Variants in SLA observed in about 807,000 individuals in gnomAD.
SLA encodes the protein Src like adaptor.
In SLA, 16 loss-of-function variants were observed where a neutral mutation model predicts 30.3. That is an observed-to-expected ratio of 0.53 (90% CI 0.36 to 0.80). The LOEUF is 0.80. SLA is among the 30% of genes least tolerant of loss of function. The probability of loss-of-function intolerance (pLI) is 0.01; values close to 1 mark genes in which losing one functional copy is unlikely to be tolerated. For synonymous variants in SLA, 143 were observed against 137.8 expected, an observed-to-expected ratio of 1.04 and a Z score of -0.26; for missense variants, 310 against 345.2, an observed-to-expected ratio of 0.90 and a Z score of 0.81.
intron 1 of SLA, among the ~76,000 whole-genome samples, chr8:133,100,913 C>T (rs1392360328): frequency 6.6e-6 from 1 of 152,110 alleles, no homozygotes; most frequent in African/African-American, 2.4e-5. Flanking sequence ...TACGTTATCT[C>T]AACTGTATGG....
chr8:133,090,715 A>C (rs571915290), intron 1 of SLA, among the ~76,000 whole-genome samples: 1 of 152,202 alleles, frequency 6.6e-6, no homozygotes, highest in Non-Finnish European at 1.5e-5. Flanking sequence ...CAGCTCTGTG[A>C]ACGCTGATCA....
intron 1 of SLA, among the ~76,000 whole-genome samples, chr8:133,092,505 C>T (rs984541513): frequency 4.6e-5 from 7 of 152,274 alleles, no homozygotes; most frequent in East Asian, 3.9e-4. Flanking sequence ...TGTGGGGTCC[C>T]GTGAATGTCA....
chr8:133,094,509 A>C (rs1588078673), intron 1 of SLA: 2 of 183,134 alleles, frequency 1.1e-5, no homozygotes, highest in East Asian at 2.6e-4. Context: ...CAAAGTGAGA[A>C]ACCAGTCATT....
chr8:133,080,252 T>G (rs1380036139), intron 1 of SLA, among the ~76,000 whole-genome samples: 1 of 152,148 alleles, frequency 6.6e-6, no homozygotes, highest in Non-Finnish European at 1.5e-5. Context: ...AGGGAATGAA[T>G]ATTGGGGAAA....
intron 3 of SLA, among the ~76,000 whole-genome samples, chr8:133,057,550 G>A (rs892284622): frequency 6.6e-6 from 1 of 152,158 alleles, no homozygotes; most frequent in Admixed American, 6.5e-5. Context: ...TGCTGTCGCT[G>A]TGAGGAGGGA....
rs1395607417 is a variant in SLA at position 133,058,582 on chromosome 8, AG to A, written c.61+1517del. Reference sequence around the variant, plus strand: ...GTGCCTCCCCAGCCTGCCTGGGCTCAGGGCCCTGCGGTGTCAGTTTTCTAGC... The same window carrying A: ...GTGCCTCCCCAGCCTGCCTGGGCTCAGGCCCTGCGGTGTCAGTTTTCTAGC... On this transcript the variant is annotated intron_variant, in intron 3 of 8. Transcript: ENST00000338087. Among the ~76,000 whole-genome samples the A allele has an allele frequency of 3.9e-5, 6 of 152,276 alleles. No individual in the cohort carries two copies. In the East Asian group the frequency reaches 9.7e-4, roughly 25 times the overall value.
At chr8:133,088,923 C>A (rs1847043437) in intron 1 of SLA, among the ~76,000 whole-genome samples, 1 of 150,378 alleles carries the variant, frequency 6.6e-6, no homozygotes, top group African/African-American at 2.5e-5. Context: ...CAAGAGAATA[C>A]AAATATAAAC....
In SLA at chr8:133,052,872, G is replaced by C. The variant is rs189067608; in HGVS notation, c.62-1957C>G. ...GGCTGACTTTGCCACTCACTGAGTGGGACGCCTCCTTCTCCTCTTGGGCCT... is the reference window on the plus strand; with the variant it reads ...GGCTGACTTTGCCACTCACTGAGTGCGACGCCTCCTTCTCCTCTTGGGCCT... On this transcript the variant is annotated intron_variant, in intron 3 of 8. Transcript: ENST00000338087. Among the ~76,000 whole-genome samples, 513 of 152,314 alleles carry C rather than the reference G, an allele frequency of 3.4e-3. 3 individuals are homozygous for C. The highest frequency in any genetic ancestry group is 0.012 in the African/African-American group (488 of 41,568).
chr8:133,093,831 T>C (rs1382771693), intron 1 of SLA, among the ~76,000 whole-genome samples: 1 of 152,184 alleles, frequency 6.6e-6, no homozygotes, highest in Non-Finnish European at 1.5e-5. Context: ...CCCTGCCTCC[T>C]AACATAACTG....
At chr8:133,094,336 G>A (rs556923251) in intron 1 of SLA, among the ~76,000 whole-genome samples, 2 of 150,336 alleles carry the variant, frequency 1.3e-5, no homozygotes, top group South Asian at 4.3e-4. Flanking sequence ...CGCCTCCCGG[G>A]TTCACGCCAT....
rs1843297808 is a variant in SLA, at chr8:133,067,888, ATGTATG to A, written c.-41+6959_-41+6964del. 1.9e-3 allele frequency among the ~76,000 whole-genome samples: 5 copies of A among 2,694 alleles called. No individual in the cohort carries two copies. In the South Asian group the frequency reaches 0.036, roughly 20 times the overall value. 1.8% of individuals were successfully genotyped at this position (2,694 alleles called of 152,430 possible). ...AAAGAAAGGAAGGAAGGAAGGAAGTATGTATGGAAGGAAGGAAGGAAGGAAGGAAAG... is the reference window on the plus strand; with the variant it reads ...AAAGAAAGGAAGGAAGGAAGGAAGTAGAAGGAAGGAAGGAAGGAAGGAAAG... On this transcript the variant is annotated intron_variant, in intron 2 of 8. Coordinates refer to ENST00000338087, the MANE Select transcript of SLA (RefSeq NM_001045556.3).
intron 2 of SLA, among the ~76,000 whole-genome samples, chr8:133,071,192 G>A (rs2131428922): frequency 6.6e-6 from 1 of 152,330 alleles, no homozygotes; most frequent in South Asian, 2.1e-4. Context: ...TGTGTCCTAG[G>A]TGTGTTACAT....
intron 3 of SLA, chr8:133,059,023 T>G: frequency 2.2e-6 from 1 of 459,150 alleles, no homozygotes. Flanking sequence ...AGAAGGCTCC[T>G]TTGTGAGGGA....
intron 7 of SLA, chr8:133,040,358 G>A: frequency 1.9e-6 from 1 of 531,974 alleles, no homozygotes; most frequent in Non-Finnish European, 3.4e-6. Flanking sequence ...CCAGGCATGG[G>A]CAGAGAGAGA....
At chr8:133,098,714 C>G (rs1848809990) in intron 1 of SLA, among the ~76,000 whole-genome samples, 1 of 152,214 alleles carries the variant, frequency 6.6e-6, no homozygotes, top group Admixed American at 6.5e-5. Context: ...GGTTAGTTCC[C>G]AGACCTCTCC....
chr8:133,053,913 G>A (rs1181751703), intron 3 of SLA, among the ~76,000 whole-genome samples: 1 of 152,136 alleles, frequency 6.6e-6, no homozygotes. Flanking sequence ...TTAAGGGTCA[G>A]ATAACCTGTG....
In SLA at chr8:133,050,844, G is replaced by A. The variant is rs747788971; in HGVS notation, c.133C>T (p.Arg45Ter). The A allele has an allele frequency of 3.7e-6, 6 of 1,612,822 alleles. No homozygotes were observed. Among genetic ancestry groups the A allele is most frequent in the Admixed American group, 1.7e-5 (1 of 60,018 alleles). ...SPDISPPIFRRGEKLRVISDE... is the reference protein window; with the variant it reads ...SPDISPPIFR The stretch of plus-strand genomic sequence containing the variant: ...GAAATCACACGCAGTTTCTCCCCTC[G>A]GCGGAATATCGGGGGGCTGATGTCA... The change falls in exon 4 of 9, where the codon CGA becomes TGA. Residue 45 changes from arginine (R) to a stop codon, truncating the protein, a stop_gained. Coordinates refer to ENST00000338087, the MANE Select transcript of SLA (RefSeq NM_001045556.3). LOFTEE classifies it high-confidence loss of function.
rs765314621 is a variant in SLA at position 133,038,561 on chromosome 8, C to T, written c.794G>A (p.Ser265Asn). Reference sequence around the variant, plus strand: ...GTAAGGTGGTGATGAGAAGAATGAGCTCTTTCTCTTGCTGCCACCATACAT... The same window carrying T: ...GTAAGGTGGTGATGAGAAGAATGAGTTCTTTCTCTTGCTGCCACCATACAT... ...SLMYGGSKRK[S>N]SFFSSPPYFE... Residue 265 changes from serine (S) to asparagine (N), a missense_variant, in exon 9 of 9, where the codon AGC (serine) becomes AAC (asparagine). Coordinates refer to ENST00000338087, the MANE Select transcript of SLA (RefSeq NM_001045556.3). 28 of 1,613,904 alleles carry T rather than the reference C, an allele frequency of 1.7e-5. No individual in the cohort carries two copies. In the Middle Eastern group the frequency reaches 1.2e-3, roughly 66 times the overall value.
intron 3 of SLA, among the ~76,000 whole-genome samples, chr8:133,058,125 G>A (rs898251742): frequency 6.6e-6 from 1 of 152,222 alleles, no homozygotes; most frequent in African/African-American, 2.4e-5. Flanking sequence ...CCCTGTGCAT[G>A]AGGCAGATGG....
Sources: allele counts gnomAD v4.1 joint callset (sites outside exome capture counted in the v4.1 genomes callset), GRCh38; gene constraint gnomAD v4.1.1; transcripts MANE v1.5; gene names NCBI Gene and HGNC (gene_info 2026-07-23, HGNC 2026-07-21).